Variants in NDST3 observed in about 807,000 individuals in gnomAD.
NDST3 encodes the protein bifunctional heparan sulfate N-deacetylase/N-sulfotransferase 3.
NDST3 carries 58 observed loss-of-function variants against 96.1 expected under a neutral mutation model. That is an observed-to-expected ratio of 0.60 (90% CI 0.49 to 0.75). The LOEUF (loss-of-function observed/expected upper bound fraction) is 0.75, where lower values mean the gene tolerates loss of function less well. Ranked by LOEUF, NDST3 falls within the 30% of genes least tolerant of loss-of-function variation. The pLI is 0.00. For synonymous variants in NDST3, 333 were observed against 359.7 expected (o/e 0.93, Z 0.84); for missense variants, 788 against 1,034.2 (o/e 0.76, Z 3.27).
intron 9 of NDST3, 22 bp from the exon 10 acceptor site, chr4:118,237,024 G>T: frequency 6.5e-7 from 1 of 1,538,316 alleles, no homozygotes; most frequent in Non-Finnish European, 8.8e-7. Context: ...ATCTTATTTT[G>T]AGAAAAATAT....
Position 118,255,940 on chromosome 4 carries a change from T to C in NDST3, c.*228T>C, listed in dbSNP as rs1742095140. On this transcript the variant is annotated 3_prime_UTR_variant, in exon 14 of 14. Transcript: ENST00000296499. ...ACCCATATCTGAGCCTGTGGGATTATTGTAGACTACTGTGCACTCATGTGG... is the reference window on the plus strand; with the variant it reads ...ACCCATATCTGAGCCTGTGGGATTACTGTAGACTACTGTGCACTCATGTGG... 2 of 371,838 alleles carry C rather than the reference T, an allele frequency of 5.4e-6. No individual in the cohort carries two copies. The highest frequency in any genetic ancestry group is 2.1e-5 in the African/African-American group (1 of 48,514). The allele number at this position is 371,838 out of a possible 1,614,324, so 23.0% of individuals were successfully genotyped here.
intron 4 of NDST3, among the ~76,000 whole-genome samples, chr4:118,126,821 C>T (rs917223543): frequency 6.6e-5 from 10 of 151,812 alleles, no homozygotes; most frequent in South Asian, 4.1e-4. Flanking sequence ...CAGCGTATAA[C>T]GGTTTTCTTT....
chr4:118,245,434 T>C (rs1268974554), intron 12 of NDST3, among the ~76,000 whole-genome samples: 2 of 152,184 alleles, frequency 1.3e-5, no homozygotes, highest in Admixed American at 1.3e-4. Context: ...TGTTTGTTTG[T>C]TTTGTGGACA....
rs1738294686 is a variant in NDST3 at position 118,204,279 on chromosome 4, C to T, written c.1540-20212C>T. Among the ~76,000 whole-genome samples the T allele has an allele frequency of 5.0e-5, 2 of 40,276 alleles. 1 individual carries two copies. Among genetic ancestry groups the T allele is most frequent in the African/African-American group, 2.4e-4 (2 of 8,490 alleles). 26.4% of individuals were successfully genotyped at this position (40,276 alleles called of 152,430 possible). ...TCTAATTCGGATCCCACTTCTGACA[C>T]CATCTGTTTAAAAAAAAAAAAAAGC... On this transcript the variant is annotated intron_variant, in intron 6 of 13. Coordinates refer to ENST00000296499, the MANE Select transcript of NDST3 (RefSeq NM_004784.3).
At chr4:118,188,288 ATATT>A (rs1234009889) in intron 6 of NDST3, among the ~76,000 whole-genome samples, 2 of 148,138 alleles carry the variant, frequency 1.4e-5, no homozygotes, top group African/African-American at 4.9e-5. Context: ...AATATATGAT[ATATT>A]TATTATATAT....
chr4:118,221,073 A>C (rs1456877779), intron 6 of NDST3, among the ~76,000 whole-genome samples: 1 of 151,996 alleles, frequency 6.6e-6, no homozygotes, highest in Non-Finnish European at 1.5e-5. Flanking sequence ...AGACCTAAAA[A>C]TCAGAATCTC....
intron 6 of NDST3, among the ~76,000 whole-genome samples, chr4:118,162,089 T>G (rs1323329256): frequency 6.6e-6 from 1 of 151,954 alleles, no homozygotes. Flanking sequence ...CACTGCTCAG[T>G]GAAATAAAAG....
intron 6 of NDST3, among the ~76,000 whole-genome samples, chr4:118,211,499 T>C (rs1738795492): frequency 6.6e-6 from 1 of 152,226 alleles, no homozygotes; most frequent in Admixed American, 6.5e-5. Context: ...CCTCACATTA[T>C]GATTAACAGA....
chr4:118,222,319 A>G (rs1739602069), intron 6 of NDST3, among the ~76,000 whole-genome samples: 1 of 151,984 alleles, frequency 6.6e-6, no homozygotes, highest in Non-Finnish European at 1.5e-5. Context: ...TCCTAAGAAA[A>G]AAGTAACAAA....
intron 2 of NDST3, among the ~76,000 whole-genome samples, chr4:118,063,765 T>C (rs1303900980): frequency 2.6e-5 from 4 of 152,162 alleles, no homozygotes; most frequent in South Asian, 2.1e-4. Flanking sequence ...CTGAGGCTGA[T>C]AGATTATGAC....
intron 6 of NDST3, among the ~76,000 whole-genome samples, chr4:118,192,623 TTC>T (rs2125967114): frequency 6.6e-6 from 1 of 152,326 alleles, no homozygotes; most frequent in Non-Finnish European, 1.5e-5. Flanking sequence ...GGGTTCTCTA[TTC>T]TGTTTCATTG....
intron 2 of NDST3, among the ~76,000 whole-genome samples, chr4:118,103,445 G>C (rs1344144331): frequency 6.6e-6 from 1 of 152,040 alleles, no homozygotes; most frequent in Non-Finnish European, 1.5e-5. Flanking sequence ...TATTATAATT[G>C]TCAGCATTAT....
At chr4:118,051,752 A>C (rs1273637896) in intron 1 of NDST3, among the ~76,000 whole-genome samples, 3 of 152,148 alleles carry the variant, frequency 2.0e-5, no homozygotes, top group African/African-American at 7.2e-5. Context: ...TTATTAAAAG[A>C]AGACATACAA....
chr4:118,246,357 G>C (rs1741308489), intron 12 of NDST3, among the ~76,000 whole-genome samples: 1 of 152,158 alleles, frequency 6.6e-6, no homozygotes, highest in African/African-American at 2.4e-5. Context: ...TGTAATCCCA[G>C]CACTTTGCAA....
chr4:118,102,321 G>A (rs929788036), intron 2 of NDST3, among the ~76,000 whole-genome samples: 1 of 151,966 alleles, frequency 6.6e-6, no homozygotes, highest in Non-Finnish European at 1.5e-5. Context: ...GGCATTTGAG[G>A]AGACCACTAA....
intron 2 of NDST3, among the ~76,000 whole-genome samples, chr4:118,080,837 C>T (rs1727951285): frequency 6.6e-6 from 1 of 152,094 alleles, no homozygotes; most frequent in Non-Finnish European, 1.5e-5. Flanking sequence ...TTATTTTGCT[C>T]TAAGGAAGAA....
intron 6 of NDST3, among the ~76,000 whole-genome samples, chr4:118,193,183 G>A (rs955816429): frequency 3.9e-5 from 6 of 152,106 alleles, no homozygotes; most frequent in African/African-American, 1.2e-4. Context: ...ATATGTTCAT[G>A]TGCAATGGGG....
rs186244552 is a variant in NDST3 at position 118,074,257 on chromosome 4, T to G, written c.981+19366T>G. Reference sequence around the variant, plus strand: ...GTGAAACACGATGTTCTGTTGGTTTTGGGTGGAAAGTTCTGTAGATATCTA... The same window carrying G: ...GTGAAACACGATGTTCTGTTGGTTTGGGGTGGAAAGTTCTGTAGATATCTA... On this transcript the variant is annotated intron_variant, in intron 2 of 13. Transcript: ENST00000296499. Among the ~76,000 whole-genome samples, 9 of 152,276 alleles carry G rather than the reference T, an allele frequency of 5.9e-5. No homozygotes were observed. In the East Asian group the frequency reaches 1.7e-3, roughly 29 times the overall value.
intron 1 of NDST3, among the ~76,000 whole-genome samples, chr4:118,049,960 T>C (rs1298070314): frequency 6.6e-6 from 1 of 152,112 alleles, no homozygotes; most frequent in Non-Finnish European, 1.5e-5. Context: ...ATATCTCCGA[T>C]GAACATAGAT....
Sources: allele counts gnomAD v4.1 joint callset (sites outside exome capture counted in the v4.1 genomes callset), GRCh38; gene constraint gnomAD v4.1.1; transcripts MANE v1.5; gene names NCBI Gene and HGNC (gene_info 2026-07-23, HGNC 2026-07-21).